SEM1: variants seen among roughly 807,000 people sequenced by gnomAD.
SEM1 encodes SEM1 26S proteasome subunit.
SEM1 carries 3 observed loss-of-function variants against 12.7 expected under a neutral mutation model. The ratio of observed to expected loss-of-function variants is 0.24; its 90% CI spans 0.11 to 0.61. The LOEUF is 0.61. SEM1 is among the 20% of genes least tolerant of loss of function. The pLI is 0.88. For synonymous variants in SEM1, 30 were observed against 27.8 expected, an observed-to-expected ratio of 1.08 and a Z score of -0.25; for missense variants, 59 against 81.3, an observed-to-expected ratio of 0.73 and a Z score of 1.06.
At chr7:96,524,128 C>G (rs558447492) in intron 2 of SEM1, among the ~76,000 whole-genome samples, 1 of 152,126 alleles carries the variant, frequency 6.6e-6, no homozygotes, top group African/African-American at 2.4e-5. Context: ...TCAACTGCCT[C>G]GCTTTTGTGA....
intron 2 of SEM1, among the ~76,000 whole-genome samples, chr7:96,678,253 T>C (rs924560395): frequency 4.6e-5 from 7 of 152,140 alleles, no homozygotes; most frequent in African/African-American, 1.7e-4. Flanking sequence ...CGGGTCACAA[T>C]GGCTTTGAGG....
At chr7:96,509,752 T>C (rs1053594665) in intron 2 of SEM1, among the ~76,000 whole-genome samples, 9 of 152,124 alleles carry the variant, frequency 5.9e-5, no homozygotes, top group African/African-American at 1.9e-4. Context: ...ACAACATGGA[T>C]GGACCTTGAC....
In SEM1 at chr7:96,590,881, C is replaced by T. The variant is rs539626816; in HGVS notation, c.171-84183G>A. On this transcript the variant is annotated intron_variant and NMD_transcript_variant, in intron 2 of 3. Transcript: ENST00000466986. Reference sequence around the variant, plus strand: ...ATTGTCAGAGGGAGGGTCGGGGTTACAAACATAGGAATGTGGTTCCCTAGG... The same window carrying T: ...ATTGTCAGAGGGAGGGTCGGGGTTATAAACATAGGAATGTGGTTCCCTAGG... Among the ~76,000 whole-genome samples, 36 of 152,174 alleles carry T rather than the reference C, an allele frequency of 2.4e-4. No individual in the cohort carries two copies. The South Asian group carries it at 7.5e-3, about 32-fold the overall frequency.
chr7:96,645,056 A>T (rs1255536262), intron 2 of SEM1, among the ~76,000 whole-genome samples: 2 of 152,192 alleles, frequency 1.3e-5, no homozygotes, highest in Admixed American at 1.3e-4. Flanking sequence ...CCTTTCTGGT[A>T]CATATTCTTT....
At chr7:96,581,651 C>G (rs1806413447) in intron 2 of SEM1, among the ~76,000 whole-genome samples, 1 of 152,080 alleles carries the variant, frequency 6.6e-6, no homozygotes, top group South Asian at 2.1e-4. Context: ...TTTCCTTGAG[C>G]AGTGGTTTGT....
At chr7:96,692,597 T>C (rs1379894148) in intron 2 of SEM1, among the ~76,000 whole-genome samples, 1 of 152,098 alleles carries the variant, frequency 6.6e-6, no homozygotes, top group East Asian at 1.9e-4. Flanking sequence ...CATGAGCTTG[T>C]ACACATAGAA....
chr7:96,687,541 C>G (rs1034713626), downstream of SEM1, among the ~76,000 whole-genome samples: 145 of 151,604 alleles, frequency 9.6e-4, no homozygotes, highest in Non-Finnish European at 1.6e-3. Flanking sequence ...GGACAAAAAA[C>G]CAAACACCGC....
At chr7:96,701,138 G>A (rs1790260296) in intron 1 of SEM1, among the ~76,000 whole-genome samples, 1 of 151,930 alleles carries the variant, frequency 6.6e-6, no homozygotes, top group African/African-American at 2.4e-5. Context: ...GTACATTAGA[G>A]GGGAGAGAAA....
downstream of SEM1, among the ~76,000 whole-genome samples, chr7:96,620,100 C>T (rs540356590): frequency 6.6e-5 from 10 of 152,254 alleles, no homozygotes; most frequent in Admixed American, 6.5e-4. Flanking sequence ...TTAGCAGCAG[C>T]TGCAGCCATG....
Position 96,550,468 on chromosome 7 carries a change from A to G in SEM1, c.171-43770T>C, listed in dbSNP as rs73708346. On this transcript the variant is annotated intron_variant and NMD_transcript_variant, in intron 2 of 3. Transcript: ENST00000466986. ...GATTCCATTCATAAAGCATGATTTT[A>G]TTATTTGCACTCATCTGTTGGACAC... is the stretch of plus-strand genomic sequence containing the variant. Among the ~76,000 whole-genome samples, 349 of 152,282 alleles carry G rather than the reference A, an allele frequency of 2.3e-3. 2 individuals are homozygous for G. Among genetic ancestry groups the G allele is most frequent in the African/African-American group, 7.7e-3 (322 of 41,574 alleles).
intron 2 of SEM1, among the ~76,000 whole-genome samples, chr7:96,587,891 A>G (rs1806692552): frequency 6.6e-6 from 1 of 152,232 alleles, no homozygotes; most frequent in Non-Finnish European, 1.5e-5. Flanking sequence ...GATATTTAAC[A>G]CATACTATTG....
upstream of SEM1, among the ~76,000 whole-genome samples, chr7:96,498,831 A>C (rs1446658388): frequency 6.6e-6 from 1 of 152,152 alleles, no homozygotes; most frequent in East Asian, 1.9e-4. Flanking sequence ...AAGGTTACAC[A>C]AAGGTCATAC....
At chr7:96,645,768 G>A (rs1329699537) in intron 2 of SEM1, 1 of 398,278 alleles carries the variant, frequency 2.5e-6, no homozygotes, top group Non-Finnish European at 4.4e-6. Context: ...ATAGATGGAT[G>A]GATGGATTAG....
chr7:96,564,553 T>C (rs1805789475), intron 2 of SEM1, among the ~76,000 whole-genome samples: 1 of 152,082 alleles, frequency 6.6e-6, no homozygotes, highest in African/African-American at 2.4e-5. Flanking sequence ...TTTTTTCCCT[T>C]TCCTTGACCG....
intron 1 of SEM1, chr7:96,696,667 T>C (rs927558303): frequency 6.6e-6 from 1 of 152,016 alleles, no homozygotes; most frequent in African/African-American, 2.4e-5. Context: ...ACCTGGATTA[T>C]GTACTTAACT....
At chr7:96,626,310 A>G (rs899110826) in intron 2 of SEM1, among the ~76,000 whole-genome samples, 4 of 152,196 alleles carry the variant, frequency 2.6e-5, no homozygotes, top group Admixed American at 1.3e-4. Context: ...TTCACTTAAC[A>G]TAATGACCTC....
At chr7:96,706,813 G>A (rs1207534162) in intron 1 of SEM1, among the ~76,000 whole-genome samples, 1 of 152,126 alleles carries the variant, frequency 6.6e-6, no homozygotes, top group Non-Finnish European at 1.5e-5. Context: ...TCCACTTTCT[G>A]GAGCACTGAC....
chr7:96,617,546 T>C (rs1371122699), intron 2 of SEM1, among the ~76,000 whole-genome samples: 1 of 152,218 alleles, frequency 6.6e-6, no homozygotes, highest in Non-Finnish European at 1.5e-5. Context: ...TCTTGCCTGA[T>C]TGCTCTGGTG....
intron 2 of SEM1, chr7:96,650,555 G>A: frequency 1.4e-6 from 1 of 735,076 alleles, no homozygotes; most frequent in South Asian, 1.4e-5. Flanking sequence ...AAGAAATTCT[G>A]AAGAAACACA....
Sources: allele counts gnomAD v4.1 joint callset (sites outside exome capture counted in the v4.1 genomes callset), GRCh38; gene constraint gnomAD v4.1.1; transcripts MANE v1.5; gene names NCBI Gene and HGNC (gene_info 2026-07-23, HGNC 2026-07-21).